The following SGPP1 variants were observed in gnomAD, a reference collection of about 807,000 sequenced individuals.
SGPP1 encodes the protein sphingosine-1-phosphate phosphatase 1.
A neutral mutation model predicts 33.0 loss-of-function variants in SGPP1; 21 were observed. That is an observed-to-expected ratio of 0.64 (90% CI 0.45 to 0.92). The LOEUF (loss-of-function observed/expected upper bound fraction) is 0.92. SGPP1 is among the 40% of genes least tolerant of loss of function. The pLI, the probability that SGPP1 is intolerant of heterozygous loss-of-function variation, is 0.00. For synonymous variants in SGPP1, 239 were observed against 241.2 expected, an observed-to-expected ratio of 0.99 and a Z score of 0.08; for missense variants, 543 against 589.4, an observed-to-expected ratio of 0.92 and a Z score of 0.81.
chr14:63,722,099 T>C (rs547933996), intron 1 of SGPP1, among the ~76,000 whole-genome samples: 1 of 152,288 alleles, frequency 6.6e-6, no homozygotes, highest in Non-Finnish European at 1.5e-5. Context: ...AGTTACATAA[T>C]ATAACCTCCC....
intron 2 of SGPP1, among the ~76,000 whole-genome samples, chr14:63,690,269 C>T (rs1242411978): frequency 6.6e-6 from 1 of 152,180 alleles, no homozygotes; most frequent in Non-Finnish European, 1.5e-5. Context: ...TTTCCAACTT[C>T]TGAGCTCAAG....
Position 63,685,872 on chromosome 14 carries a change from T to C in SGPP1, c.*233A>G, listed in dbSNP as rs1884960962. 1 of 269,702 alleles carries C rather than the reference T, an allele frequency of 3.7e-6. No homozygotes were observed. Among genetic ancestry groups the C allele is most frequent in the Non-Finnish European group, 6.9e-6 (1 of 144,026 alleles). The allele number at this position is 269,702 out of a possible 1,614,324, so 16.7% of individuals were successfully genotyped here. On this transcript the variant is annotated 3_prime_UTR_variant, in exon 3 of 3. Transcript: ENST00000247225. Reference sequence around the variant, plus strand: ...AATACAAAACTCTCCAAACATTACATGAACATTCTAAATGGATACTTATCA... The same window carrying C: ...AATACAAAACTCTCCAAACATTACACGAACATTCTAAATGGATACTTATCA...
chr14:63,689,319 G>A (rs1009103545), intron 2 of SGPP1, among the ~76,000 whole-genome samples: 4 of 151,876 alleles, frequency 2.6e-5, no homozygotes, highest in Non-Finnish European at 4.4e-5. Context: ...TTGTTTGTTT[G>A]TTTTGTTTTG....
At chr14:63,719,808 T>C (rs1446589254) in intron 1 of SGPP1, among the ~76,000 whole-genome samples, 1 of 151,106 alleles carries the variant, frequency 6.6e-6, no homozygotes, top group Non-Finnish European at 1.5e-5. Flanking sequence ...TATTCATTAA[T>C]TGTTGGACTT....
At chr14:63,723,588 G>A (rs373477368) in intron 1 of SGPP1, among the ~76,000 whole-genome samples, 25 of 151,950 alleles carry the variant, frequency 1.6e-4, no homozygotes, top group Admixed American at 1.1e-3. Flanking sequence ...GGGTGGTGGT[G>A]TGCGCCTGTA....
At chr14:63,702,407 G>A (rs978318854) in intron 1 of SGPP1, among the ~76,000 whole-genome samples, 2 of 151,660 alleles carry the variant, frequency 1.3e-5, no homozygotes, top group Non-Finnish European at 2.9e-5. Flanking sequence ...ATTTTTTTAT[G>A]GAAAAAAAAT....
rs71120275 is a variant in SGPP1 at position 63,688,315 on chromosome 14, C to CAAAAAAAAAAAAAAAAAA, written c.775-1677_775-1660dup. 2.9e-4 allele frequency among the ~76,000 whole-genome samples: 9 copies of CAAAAAAAAAAAAAAAAAA among 31,432 alleles called. 1 individual carries two copies. The highest frequency in any genetic ancestry group is 7.9e-4 in the African/African-American group (8 of 10,088). 20.6% of individuals were successfully genotyped at this position (31,432 alleles called of 152,430 possible). On this transcript the variant is annotated intron_variant, in intron 2 of 2. Coordinates refer to ENST00000247225, the MANE Select transcript of SGPP1 (RefSeq NM_030791.4). ...TGGGTGACAGAGCAAGACTCTGTCT[C>CAAAAAAAAAAAAAAAAAA]AAAAAAAAAAAAAAAAAAAAAAAAA...
rs138949489 is a variant in SGPP1, at chr14:63,698,072, T to C, written c.774+497A>G. On this transcript the variant is annotated intron_variant, in intron 2 of 2. Coordinates refer to ENST00000247225, the MANE Select transcript of SGPP1 (RefSeq NM_030791.4). ...CTGTGCTGCTGCTTTGGGAACCGAA[T>C]TGCATTCTCAAAACACAATGTCCAC... Among the ~76,000 whole-genome samples, 299 of 152,318 alleles carry C rather than the reference T, an allele frequency of 2.0e-3. 2 individuals are homozygous for C. Among genetic ancestry groups the C allele is most frequent in the African/African-American group, 6.8e-3 (283 of 41,560 alleles).
intron 2 of SGPP1, among the ~76,000 whole-genome samples, chr14:63,687,727 G>A (rs762988803): frequency 1.3e-5 from 2 of 152,206 alleles, no homozygotes; most frequent in Non-Finnish European, 2.9e-5. Context: ...GGAGCTGGGT[G>A]CAGTGGCTCA....
rs534286959 is a variant in SGPP1, at chr14:63,719,246, C to T, written c.684+8015G>A. Among the ~76,000 whole-genome samples, 559 of 150,660 alleles carry T rather than the reference C, an allele frequency of 3.7e-3. 1 individual carries two copies. The highest frequency in any genetic ancestry group is 6.3e-3 in the Non-Finnish European group (426 of 67,738). Reference sequence around the variant, plus strand: ...TTCTCCATGTCTGACCTCGGCTGATCCGCCCACCTCAGCCTCCCAAAGTGC... The same window carrying T: ...TTCTCCATGTCTGACCTCGGCTGATTCGCCCACCTCAGCCTCCCAAAGTGC... On this transcript the variant is annotated intron_variant, in intron 1 of 2. Transcript: ENST00000247225.
chr14:63,727,649 G>A lies in SGPP1; in HGVS notation c.296C>T (p.Pro99Leu), dbSNP rs1352574275. ...VRNGLAAELGPASPRRAGALR... is the reference protein window; with the variant it reads ...VRNGLAAELGLASPRRAGALR... The stretch of plus-strand genomic sequence containing the variant: ...AGCGCCCGCGCGCCGCGGCGAGGCC[G>A]GGCCCAGCTCGGCCGCCAGCCCGTT... Residue 99 changes from proline to leucine, a missense_variant, in exon 1 of 3, where the codon CCG becomes CTG. Physicochemically the swap from Pro to Leu is moderately conservative, Grantham distance 98 (BLOSUM62 -3). Coordinates refer to ENST00000247225, the MANE Select transcript of SGPP1 (RefSeq NM_030791.4). The A allele has an allele frequency of 2.0e-5, 27 of 1,353,568 alleles. No homozygotes were observed. Among genetic ancestry groups the A allele is most frequent in the Non-Finnish European group, 2.5e-5 (27 of 1,061,372 alleles). The allele number at this position is 1,353,568 out of a possible 1,614,324, so 83.8% of individuals were successfully genotyped here.
At chr14:63,702,535 C>A (rs1045593667) in intron 1 of SGPP1, among the ~76,000 whole-genome samples, 2 of 151,996 alleles carry the variant, frequency 1.3e-5, no homozygotes, top group Non-Finnish European at 2.9e-5. Flanking sequence ...CAGGATGAAA[C>A]CTTGTCTCTA....
chr14:63,710,020 A>G (rs1169060203), intron 1 of SGPP1, among the ~76,000 whole-genome samples: 2 of 152,236 alleles, frequency 1.3e-5, no homozygotes, highest in Non-Finnish European at 2.9e-5. Context: ...AACTGTCTTT[A>G]ATACAATTTA....
At chr14:63,710,155 G>C (rs543042070) in intron 1 of SGPP1, among the ~76,000 whole-genome samples, 2 of 152,118 alleles carry the variant, frequency 1.3e-5, no homozygotes, top group South Asian at 2.1e-4. Flanking sequence ...GACATGCCTT[G>C]TTCTCATACA....
intron 1 of SGPP1, among the ~76,000 whole-genome samples, chr14:63,699,459 T>C (rs897146251): frequency 1.3e-5 from 2 of 152,124 alleles, no homozygotes; most frequent in Non-Finnish European, 2.9e-5. Flanking sequence ...TTGAAGCCAA[T>C]GTGGTTAGGG....
intron 1 of SGPP1, among the ~76,000 whole-genome samples, chr14:63,705,434 G>A (rs1381219673): frequency 4.0e-5 from 6 of 151,368 alleles, no homozygotes; most frequent in Non-Finnish European, 7.4e-5. Flanking sequence ...TTGGGGGGCC[G>A]AGGTGGGCAG....
At chr14:63,724,225 G>T (rs747793294) in intron 1 of SGPP1, among the ~76,000 whole-genome samples, 8 of 152,018 alleles carry the variant, frequency 5.3e-5, no homozygotes, top group Non-Finnish European at 1.2e-4. Context: ...GAAACAGAAA[G>T]GATTAATTTA....
intron 1 of SGPP1, among the ~76,000 whole-genome samples, chr14:63,715,684 G>T (rs923366427): frequency 3.3e-5 from 5 of 152,120 alleles, no homozygotes. Context: ...AGCCAAAGAG[G>T]CTGTAATTTG....
At chr14:63,714,334 A>T (rs1428760284) in intron 1 of SGPP1, among the ~76,000 whole-genome samples, 1 of 152,176 alleles carries the variant, frequency 6.6e-6, no homozygotes, top group Non-Finnish European at 1.5e-5. Context: ...GGTATTTCAG[A>T]TGACCACAGT....
Sources: gnomAD v4.1 joint callset for allele counts (sites outside exome capture counted in the v4.1 genomes callset) on GRCh38, gnomAD v4.1.1 for gene constraint, MANE v1.5 for transcripts, NCBI Gene and HGNC (gene_info 2026-07-23, HGNC 2026-07-21) for gene names.